Variants in DPP6 observed in about 807,000 individuals in gnomAD.
DPP6 encodes dipeptidyl peptidase like 6.
DPP6 carries 69 observed loss-of-function variants against 122.6 expected under a neutral mutation model. The observed-to-expected ratio is 0.56, with a 90% CI of 0.46 to 0.69. The LOEUF (loss-of-function observed/expected upper bound fraction) is 0.69, where lower values mean the gene tolerates loss of function less well. DPP6 is among the 30% of genes least tolerant of loss of function. The pLI is 0.00. For missense variants in DPP6, 928 were observed against 1,116.9 expected (o/e 0.83, Z 2.41); for synonymous variants, 418 against 433.1 (o/e 0.97, Z 0.43).
intron 1 of DPP6, among the ~76,000 whole-genome samples, chr7:153,917,396 G>A (rs758507406): frequency 1.1e-4 from 17 of 152,328 alleles, no homozygotes; most frequent in Non-Finnish European, 1.9e-4. Context: ...AGCAAGAAAT[G>A]CAGATGAACT....
chr7:154,761,035 A>G (rs529338123), intron 8 of DPP6, among the ~76,000 whole-genome samples: 3 of 152,208 alleles, frequency 2.0e-5, no homozygotes, highest in Admixed American at 6.5e-5. Flanking sequence ...GGGTTTCACC[A>G]TGTTGACCAG....
chr7:154,212,164 G>A (rs1308065698), intron 1 of DPP6, among the ~76,000 whole-genome samples: 1 of 152,124 alleles, frequency 6.6e-6, no homozygotes, highest in Non-Finnish European at 1.5e-5. Context: ...CTTCTCTGTG[G>A]AGACAACTTC....
chr7:154,060,319 C>A (rs548112272), intron 1 of DPP6, among the ~76,000 whole-genome samples: 2 of 141,048 alleles, frequency 1.4e-5, no homozygotes, highest in Non-Finnish European at 3.2e-5. Context: ...CTTAGGACCC[C>A]CATCGCAGGA....
intron 1 of DPP6, chr7:153,887,870 C>A: frequency 1.0e-6 from 1 of 967,506 alleles, no homozygotes; most frequent in Non-Finnish European, 1.4e-6. Flanking sequence ...GGCGGCGCTT[C>A]TCCCACTTCC....
intron 3 of DPP6, among the ~76,000 whole-genome samples, chr7:154,521,017 G>C (rs1826930961): frequency 6.6e-6 from 1 of 152,080 alleles, no homozygotes; most frequent in Non-Finnish European, 1.5e-5. Context: ...AGTAATACTT[G>C]TTATTGATTT....
chr7:154,330,461 G>A (rs980866828), intron 1 of DPP6, among the ~76,000 whole-genome samples: 1 of 152,176 alleles, frequency 6.6e-6, no homozygotes, highest in Admixed American at 6.5e-5. Context: ...TGGGAATAAG[G>A]TCCTGTGAGA....
intron 1 of DPP6, among the ~76,000 whole-genome samples, chr7:154,302,672 T>C (rs996079286): frequency 6.6e-6 from 1 of 152,250 alleles, no homozygotes; most frequent in Non-Finnish European, 1.5e-5. Context: ...CTTTGCACTC[T>C]ATCCATATTT....
intron 3 of DPP6, among the ~76,000 whole-genome samples, chr7:154,490,623 G>A (rs761109443): frequency 1.5e-4 from 23 of 152,212 alleles, no homozygotes; most frequent in Non-Finnish European, 3.1e-4. Flanking sequence ...TTTGTGATCC[G>A]CAAAGACAAA....
chr7:154,494,120 A>C (rs1320714686), intron 3 of DPP6, among the ~76,000 whole-genome samples: 2 of 152,202 alleles, frequency 1.3e-5, no homozygotes, highest in Non-Finnish European at 2.9e-5. Context: ...TTGGGAGGCC[A>C]AAGCCGAAAC....
At chr7:154,548,544 A>T (rs1394062807) in intron 4 of DPP6, among the ~76,000 whole-genome samples, 1 of 151,276 alleles carries the variant, frequency 6.6e-6, no homozygotes, top group Non-Finnish European at 1.5e-5. Context: ...AAAAAAAAAA[A>T]TTCTGAAAAG....
chr7:153,927,784 G>A (rs10246779), intron 1 of DPP6, among the ~76,000 whole-genome samples: 144,374 of 152,252 alleles, frequency 0.95, 68,463 homozygotes, highest in East Asian at 1. Context: ...ATAGCTAAAC[G>A]ATGGGGGCTC....
intron 3 of DPP6, among the ~76,000 whole-genome samples, chr7:154,529,255 C>T (rs1827653215): frequency 1.3e-5 from 2 of 152,132 alleles, no homozygotes; most frequent in Non-Finnish European, 2.9e-5. Context: ...CAGTCACTGC[C>T]TTCCCACATT....
At chr7:153,878,193 C>T in the DPP6 span, among the ~76,000 whole-genome samples, 1 of 152,250 alleles carries the variant, frequency 6.6e-6, no homozygotes, top group South Asian at 2.1e-4. Flanking sequence ...TGTGCAGCCT[C>T]TGTTTATCAG....
chr7:153,845,099 C>T, the DPP6 span, among the ~76,000 whole-genome samples: 1 of 152,142 alleles, frequency 6.6e-6, no homozygotes, highest in East Asian at 1.9e-4. Flanking sequence ...TGGGAATGAT[C>T]ATCAATGTAA....
At chr7:154,323,409 T>G (rs796440286) in intron 1 of DPP6, among the ~76,000 whole-genome samples, 5 of 152,266 alleles carry the variant, frequency 3.3e-5, no homozygotes, top group African/African-American at 1.2e-4. Flanking sequence ...CCGTTGACTG[T>G]GTGAGTGTGA....
intron 1 of DPP6, among the ~76,000 whole-genome samples, chr7:154,188,070 G>A (rs1348439141): frequency 2.0e-5 from 3 of 151,986 alleles, no homozygotes; most frequent in Admixed American, 6.6e-5. Flanking sequence ...GATGCAGATC[G>A]TCTTGTGGTC....
chr7:154,881,383 G>A (rs891983509), intron 21 of DPP6, among the ~76,000 whole-genome samples: 3 of 152,206 alleles, frequency 2.0e-5, no homozygotes, highest in Admixed American at 6.5e-5. Context: ...AACCAGAGCC[G>A]CTCCCATCTG....
At chr7:154,570,779 T>C (rs1831058447) in intron 5 of DPP6, among the ~76,000 whole-genome samples, 1 of 152,116 alleles carries the variant, frequency 6.6e-6, no homozygotes, top group South Asian at 2.1e-4. Flanking sequence ...CCTATGTTTT[T>C]TTGAGAGCTT....
chr7:154,445,431 C>T (rs562137400), intron 1 of DPP6, among the ~76,000 whole-genome samples: 2 of 152,262 alleles, frequency 1.3e-5, no homozygotes, highest in African/African-American at 4.8e-5. Context: ...CTAATTTGCA[C>T]GGAACTGAAA....
Sources: allele counts gnomAD v4.1 joint callset (sites outside exome capture counted in the v4.1 genomes callset), GRCh38; gene constraint gnomAD v4.1.1; transcripts MANE v1.5; gene names NCBI Gene and HGNC (gene_info 2026-07-23, HGNC 2026-07-21).